The following YTHDC2 variants were observed in gnomAD, a reference collection of about 807,000 sequenced individuals.
YTHDC2 encodes 3'-5' RNA helicase YTHDC2.
Under a neutral mutation model 174.9 loss-of-function variants are expected in YTHDC2, and 45 were observed. The observed-to-expected ratio is 0.26, with a 90% CI of 0.20 to 0.33. YTHDC2 has a LOEUF of 0.33. Ranked by LOEUF, YTHDC2 falls within the 10% of genes least tolerant of loss-of-function variation. The probability of loss-of-function intolerance (pLI) is 1.00; values close to 1 mark genes in which losing one functional copy is unlikely to be tolerated. For missense variants in YTHDC2, 1,650 were observed against 1,723.7 expected (o/e 0.96, Z 0.76); for synonymous variants, 657 against 574.5 (o/e 1.14, Z -2.05).
At chr5:113,526,822 A>ATAT (rs777000617) in intron 4 of YTHDC2, 37 bp downstream of exon 4, 21 of 351,944 alleles carry the variant, frequency 6.0e-5, no homozygotes, top group African/African-American at 1.3e-4. Flanking sequence ...AAAAAAAAAA[A>ATAT]AAAAATATAT....
In YTHDC2 at chr5:113,563,507, A is replaced by G; in HGVS notation, c.2442+15A>G. 1 of 1,567,168 alleles carries G rather than the reference A, an allele frequency of 6.4e-7. No homozygotes were observed. Among genetic ancestry groups the G allele is most frequent in the Non-Finnish European group, 8.6e-7 (1 of 1,160,398 alleles). ...AAATGCTTAAGGTTGGTGTCTTCAT[A>G]GTTTTATTTTACATGACATTTTTAC... On this transcript the variant is annotated intron_variant, in intron 19 of 29. Transcript: ENST00000161863.
intron 24 of YTHDC2, among the ~76,000 whole-genome samples, chr5:113,580,415 TG>T (rs1778325545): frequency 6.6e-6 from 1 of 152,150 alleles, no homozygotes; most frequent in African/African-American, 2.4e-5. Context: ...ACTTCTGAAT[TG>T]GGGGTTTGAG....
chr5:113,531,716 G>A (rs555257955), intron 4 of YTHDC2, among the ~76,000 whole-genome samples: 19 of 151,926 alleles, frequency 1.3e-4, no homozygotes, highest in Non-Finnish European at 1.5e-5. Context: ...AAAAATCCTA[G>A]GGGCCAGCAC....
Position 113,542,642 on chromosome 5 carries a change from G to A in YTHDC2, c.1495+139G>A, listed in dbSNP as rs1434990007. On this transcript the variant is annotated intron_variant, in intron 10 of 29. Coordinates refer to ENST00000161863, the MANE Select transcript of YTHDC2 (RefSeq NM_022828.5). ...TAAAAGTATTTATTTTATTTCAAAT[G>A]TACAAATCAGGATCTTCTTGCTAGC... 7.1e-6 allele frequency: 5 copies of A among 705,452 alleles called. No homozygotes were observed. In the South Asian group the frequency reaches 9.9e-5, roughly 14 times the overall value. The allele number at this position is 705,452 out of a possible 1,614,324, so 43.7% of individuals were successfully genotyped here. A position where few individuals can be genotyped will look rare whatever the true frequency, so the allele number is the denominator to read the frequency against.
At position 113,513,877 on chromosome 5, in the gene YTHDC2, A is replaced by C; in HGVS notation, c.-19A>C. The C allele has an allele frequency of 1.3e-6, 2 of 1,585,892 alleles. No homozygotes were observed. Among genetic ancestry groups the C allele is most frequent in the Non-Finnish European group, 8.5e-7 (1 of 1,169,832 alleles). On this transcript the variant is annotated 5_prime_UTR_variant, in exon 1 of 30. Coordinates refer to ENST00000161863, the MANE Select transcript of YTHDC2 (RefSeq NM_022828.5). ...CAGGCCTGGCCGCTCCCGTGCGGAG[A>C]GACCATCTCTTCAGGGCAATGTCCA...
At chr5:113,561,957 G>GGTGTGTGTGTGTGTGTGTGT (rs70973686) in intron 18 of YTHDC2, among the ~76,000 whole-genome samples, 149 of 134,948 alleles carry the variant, frequency 1.1e-3, no homozygotes, top group Middle Eastern at 4.1e-3. Flanking sequence ...ATTAATTGTG[G>GGTGTGTGTGTGTGTGTGTGT]GTGTGTGTGT....
At chr5:113,575,633 C>T (rs1777994609) in intron 23 of YTHDC2, among the ~76,000 whole-genome samples, 1 of 151,928 alleles carries the variant, frequency 6.6e-6, no homozygotes, top group Admixed American at 6.6e-5. Context: ...GTGCACTGGT[C>T]AATGGAAGAG....
chr5:113,587,961 A>G (rs1397656947), intron 26 of YTHDC2, among the ~76,000 whole-genome samples: 1 of 152,094 alleles, frequency 6.6e-6, no homozygotes. Flanking sequence ...ATTTCAGAGT[A>G]CAAGTATTAC....
At chr5:113,580,372 G>C (rs1238188427) in intron 24 of YTHDC2, among the ~76,000 whole-genome samples, 1 of 152,106 alleles carries the variant, frequency 6.6e-6, no homozygotes, top group Non-Finnish European at 1.5e-5. Flanking sequence ...CTGAGAGAAA[G>C]ATATGATTCC....
intron 23 of YTHDC2, among the ~76,000 whole-genome samples, chr5:113,574,485 C>G (rs763025058): frequency 6.6e-5 from 10 of 152,150 alleles, no homozygotes; most frequent in Non-Finnish European, 1.5e-4. Flanking sequence ...CTTTTTGATA[C>G]AGCAGGTGTG....
At chr5:113,525,708 T>C (rs1176983625) in intron 3 of YTHDC2, among the ~76,000 whole-genome samples, 1 of 152,074 alleles carries the variant, frequency 6.6e-6, no homozygotes, top group African/African-American at 2.4e-5. Context: ...ATTAAGTTGC[T>C]CAAAAGTAGG....
At chr5:113,585,130 T>C (rs1778609683) in intron 26 of YTHDC2, among the ~76,000 whole-genome samples, 12 of 152,088 alleles carry the variant, frequency 7.9e-5, no homozygotes, top group Admixed American at 7.9e-4. Flanking sequence ...AATTTAACTT[T>C]GGTTTATAAT....
At chr5:113,577,435 T>TTACA (rs1778125291) in intron 23 of YTHDC2, among the ~76,000 whole-genome samples, 5 of 152,122 alleles carry the variant, frequency 3.3e-5, no homozygotes, top group Admixed American at 3.3e-4. Flanking sequence ...AGTGGTGCAA[T>TTACA]TACAGCCTAC....
intron 23 of YTHDC2, among the ~76,000 whole-genome samples, chr5:113,573,052 T>C (rs1056868171): frequency 1.3e-5 from 2 of 152,220 alleles, no homozygotes; most frequent in Non-Finnish European, 2.9e-5. Flanking sequence ...ATGTGGTTGC[T>C]TCATAGTGTT....
At chr5:113,576,352 T>C (rs1172629410) in intron 23 of YTHDC2, among the ~76,000 whole-genome samples, 2 of 152,214 alleles carry the variant, frequency 1.3e-5, no homozygotes, top group East Asian at 3.8e-4. Context: ...TAAGTTTGTA[T>C]GAAGAGAGTA....
rs374615277 is a variant in YTHDC2 at position 113,539,307 on chromosome 5, A to C, written c.1210+126A>C. 90 of 402,858 alleles carry C rather than the reference A, an allele frequency of 2.2e-4. 1 individual carries two copies. The East Asian group carries it at 3.7e-3, about 17-fold the overall frequency. 25.0% of individuals were successfully genotyped at this position (402,858 alleles called of 1,614,324 possible). A position where few individuals can be genotyped will look rare whatever the true frequency, so the allele number is the denominator to read the frequency against. ...GTTTTTCTCTTGTATATAATTGTAT[A>C]ACCTTATATTGGAATATTGTCCCAA... On this transcript the variant is annotated intron_variant, in intron 8 of 29. Coordinates refer to ENST00000161863, the MANE Select transcript of YTHDC2 (RefSeq NM_022828.5).
Position 113,593,469 on chromosome 5 carries a change from C to CAA in YTHDC2, c.*8-13_*8-12insAA, listed in dbSNP as rs1779112325. ...TTCAGATTATTTATCTTTTTTTTTC[C>CAA]CCTTTCTTCTAGAACTCTTAGCTGT... On this transcript the variant is annotated splice_polypyrimidine_tract_variant and intron_variant, in intron 29 of 29. Transcript: ENST00000161863. 1 of 1,169,872 alleles carries CAA rather than the reference C, an allele frequency of 8.5e-7. No individual in the cohort carries two copies. Among genetic ancestry groups the CAA allele is most frequent in the South Asian group, 1.4e-5 (1 of 71,028 alleles). The allele number at this position is 1,169,872 out of a possible 1,614,324, so 72.5% of individuals were successfully genotyped here. A position where few individuals can be genotyped will look rare whatever the true frequency, so the allele number is the denominator to read the frequency against.
At chr5:113,563,580 ATTAT>A in intron 19 of YTHDC2, 88 bp downstream of exon 19, 1 of 1,392,002 alleles carries the variant, frequency 7.2e-7, no homozygotes, top group East Asian at 2.5e-5. Context: ...ATTTTGTATA[ATTAT>A]TTTTTATTTT....
At position 113,574,597 on chromosome 5, in the gene YTHDC2, C is replaced by T. The variant is rs540975104; in HGVS notation, c.3245-4989C>T. On this transcript the variant is annotated intron_variant, in intron 23 of 29. Coordinates refer to ENST00000161863, the MANE Select transcript of YTHDC2 (RefSeq NM_022828.5). ...ACAAAGATAGCAGCCACCCCTCCCC[C>T]TGGGAACTCGGCCCCATCTCAGACA... Among the ~76,000 whole-genome samples the T allele has an allele frequency of 6.6e-5, 10 of 152,312 alleles. No individual in the cohort carries two copies. The East Asian group carries it at 9.7e-4, about 15-fold the overall frequency.
Sources: allele counts gnomAD v4.1 joint callset (sites outside exome capture counted in the v4.1 genomes callset), GRCh38; gene constraint gnomAD v4.1.1; transcripts MANE v1.5; gene names NCBI Gene and HGNC (gene_info 2026-07-23, HGNC 2026-07-21).